BMPR1B: variants seen among roughly 807,000 people sequenced by gnomAD.
BMPR1B encodes the protein bone morphogenetic protein receptor type 1B.
BMPR1B carries 12 observed loss-of-function variants against 59.1 expected under a neutral mutation model. The ratio of observed to expected loss-of-function variants is 0.20; its 90% CI spans 0.13 to 0.33. The LOEUF (loss-of-function observed/expected upper bound fraction) is 0.33, where lower values mean the gene tolerates loss of function less well. Ranked by LOEUF, BMPR1B falls within the 10% of genes least tolerant of loss-of-function variation. The pLI is 1.00. For synonymous variants in BMPR1B, 237 were observed against 207.3 expected, an observed-to-expected ratio of 1.14 and a Z score of -1.23; for missense variants, 550 against 610.9, an observed-to-expected ratio of 0.90 and a Z score of 1.05.
chr4:94,896,607 C>A (rs144824482), intron 2 of BMPR1B, among the ~76,000 whole-genome samples: 2,727 of 152,042 alleles, frequency 0.018, 46 homozygotes, highest in East Asian at 0.083. Context: ...GTTCTATAAT[C>A]CTGAATGAAA....
intron 3 of BMPR1B, among the ~76,000 whole-genome samples, chr4:95,098,550 CTTAT>C (rs973937723): frequency 6.6e-6 from 1 of 151,136 alleles, no homozygotes; most frequent in African/African-American, 2.4e-5. Context: ...TTTATTTTTA[CTTAT>C]TTATTTATTT....
intron 12 of BMPR1B, 38 bp downstream of exon 12, chr4:95,152,811 C>T: frequency 6.2e-7 from 1 of 1,604,604 alleles, no homozygotes; most frequent in Non-Finnish European, 8.5e-7. Flanking sequence ...TGACAGACTT[C>T]TAAATAGACT....
chr4:94,777,001 TATATC>T (rs1473818268), intron 1 of BMPR1B, among the ~76,000 whole-genome samples: 2 of 152,220 alleles, frequency 1.3e-5, no homozygotes, highest in Admixed American at 6.5e-5. Flanking sequence ...AATTTTTCCT[TATATC>T]ATTACATATT....
intron 3 of BMPR1B, among the ~76,000 whole-genome samples, chr4:95,070,506 C>T (rs1231487163): frequency 6.6e-6 from 1 of 152,084 alleles, no homozygotes; most frequent in Non-Finnish European, 1.5e-5. Flanking sequence ...AGAGTAACTT[C>T]AGAGTTTGTT....
chr4:95,018,033 C>A (rs182223017), intron 3 of BMPR1B, among the ~76,000 whole-genome samples: 1 of 151,870 alleles, frequency 6.6e-6, no homozygotes, highest in Admixed American at 6.6e-5. Flanking sequence ...GGCTGAGAAG[C>A]GATAATACTA....
chr4:94,813,682 G>C (rs1013158338), intron 1 of BMPR1B, among the ~76,000 whole-genome samples: 1 of 152,190 alleles, frequency 6.6e-6, no homozygotes, highest in Admixed American at 6.5e-5. Flanking sequence ...TATGTTGAGA[G>C]TAGTCTGCAG....
intron 2 of BMPR1B, among the ~76,000 whole-genome samples, chr4:94,883,436 C>T (rs1340946360): frequency 6.6e-6 from 1 of 152,132 alleles, no homozygotes; most frequent in East Asian, 1.9e-4. Context: ...ATAGCTTATT[C>T]TCCAAGGATC....
chr4:94,863,921 A>G (rs1726100995), intron 1 of BMPR1B, among the ~76,000 whole-genome samples: 1 of 152,254 alleles, frequency 6.6e-6, no homozygotes, highest in African/African-American at 2.4e-5. Flanking sequence ...ACAGTTCATT[A>G]AATGACTACA....
intron 2 of BMPR1B, among the ~76,000 whole-genome samples, chr4:94,949,719 TTTGC>T: frequency 6.6e-6 from 1 of 152,338 alleles, no homozygotes; most frequent in South Asian, 2.1e-4. Context: ...GTTCCAAGTC[TTTGC>T]TATTGTGAAT....
chr4:94,826,569 T>A (rs986093905), intron 1 of BMPR1B, among the ~76,000 whole-genome samples: 1 of 152,194 alleles, frequency 6.6e-6, no homozygotes, highest in Non-Finnish European at 1.5e-5. Flanking sequence ...ACAAGACTTT[T>A]TTTTTTATTC....
At chr4:94,984,028 A>G (rs1721254708) in intron 2 of BMPR1B, among the ~76,000 whole-genome samples, 2 of 152,240 alleles carry the variant, frequency 1.3e-5, no homozygotes, top group Admixed American at 6.5e-5. Context: ...TCAGGAATGT[A>G]AGTGAGTTGA....
At chr4:94,927,755 T>G (rs955618925) in intron 2 of BMPR1B, among the ~76,000 whole-genome samples, 10 of 152,098 alleles carry the variant, frequency 6.6e-5, no homozygotes, top group Non-Finnish European at 1.0e-4. Context: ...AGCAGTAACT[T>G]GGAACTGGAC....
intron 2 of BMPR1B, among the ~76,000 whole-genome samples, chr4:94,884,443 T>C (rs950760782): frequency 1.3e-5 from 2 of 152,008 alleles, no homozygotes; most frequent in Non-Finnish European, 2.9e-5. Context: ...GGAGAGTCAC[T>C]TGAACTCAGG....
chr4:95,073,720 C>T (rs372929119), intron 3 of BMPR1B, among the ~76,000 whole-genome samples: 1 of 152,032 alleles, frequency 6.6e-6, no homozygotes, highest in Admixed American at 6.6e-5. Context: ...AATACAAAAC[C>T]AAATGTTTAC....
At chr4:95,094,729 G>A (rs192589705) in intron 3 of BMPR1B, among the ~76,000 whole-genome samples, 10 of 152,084 alleles carry the variant, frequency 6.6e-5, no homozygotes, top group Non-Finnish European at 1.5e-4. Context: ...ACCCTACATC[G>A]TCATCAAGTC....
At chr4:95,116,888 T>C (rs1330287025) in intron 6 of BMPR1B, among the ~76,000 whole-genome samples, 7 of 152,138 alleles carry the variant, frequency 4.6e-5, no homozygotes, top group Admixed American at 3.3e-4. Flanking sequence ...TTTTTTTTAA[T>C]TGTGGCAGGC....
intron 2 of BMPR1B, among the ~76,000 whole-genome samples, chr4:94,919,854 C>T (rs1475335472): frequency 6.6e-6 from 1 of 152,094 alleles, no homozygotes; most frequent in African/African-American, 2.4e-5. Context: ...GGAGATTCTC[C>T]TAAATCATTT....
intron 3 of BMPR1B, among the ~76,000 whole-genome samples, chr4:95,077,286 C>T (rs1007487393): frequency 6.6e-6 from 1 of 152,024 alleles, no homozygotes; most frequent in Non-Finnish European, 1.5e-5. Context: ...CAGTAATGTG[C>T]AGTAGTGAGC....
intron 2 of BMPR1B, among the ~76,000 whole-genome samples, chr4:94,888,549 T>G (rs932941787): frequency 6.6e-6 from 1 of 152,090 alleles, no homozygotes; most frequent in Non-Finnish European, 1.5e-5. Flanking sequence ...CTAAACATTA[T>G]TTAATTTTTT....
Sources: allele counts gnomAD v4.1 joint callset (sites outside exome capture counted in the v4.1 genomes callset), GRCh38; gene constraint gnomAD v4.1.1; transcripts MANE v1.5; gene names NCBI Gene and HGNC (gene_info 2026-07-23, HGNC 2026-07-21).